Variants in TACC2 observed in about 807,000 individuals in gnomAD.
The protein encoded by TACC2 is transforming acidic coiled-coil containing protein 2.
In TACC2, 137 loss-of-function variants were observed where a neutral mutation model predicts 227.3. That is an observed-to-expected ratio of 0.60 (90% CI 0.52 to 0.69). The LOEUF (loss-of-function observed/expected upper bound fraction) is 0.69, where lower values mean the gene tolerates loss of function less well. Ranked by LOEUF, TACC2 falls within the 30% of genes least tolerant of loss-of-function variation. The pLI is 0.00. For missense variants in TACC2, 3,470 were observed against 3,694.4 expected (o/e 0.94, Z 1.57); for synonymous variants, 1,523 against 1,487.5 (o/e 1.02, Z -0.55).
rs771550397 is a variant in TACC2 at position 122,086,324 on chromosome 10, C to A, written c.3824C>A (p.Pro1275Gln). ...GESPCPVGEP[P>Q]LALENAASLK... ...AGCCCCTGTCCTGTAGGGGAGCCCC[C>A]ACTTGCCTTGGAAAATGCTGCCTCC... Residue 1275 changes from proline (P) to glutamine (Q), a missense_variant, in exon 4 of 23, where the codon CCA becomes CAA. By Grantham distance (76) the Pro-to-Gln change is moderately conservative (BLOSUM62 -1). Coordinates refer to ENST00000369005, the MANE Select transcript of TACC2 (RefSeq NM_206862.4). 1 of 1,613,894 alleles carries A rather than the reference C, an allele frequency of 6.2e-7. No homozygotes were observed. The highest frequency in any genetic ancestry group is 8.5e-7 in the Non-Finnish European group (1 of 1,180,034).
At chr10:122,176,107 C>CTATATATA (rs1293775452) in intron 7 of TACC2, among the ~76,000 whole-genome samples, 1 of 70,524 alleles carries the variant, frequency 1.4e-5, no homozygotes, top group Non-Finnish European at 2.7e-5. Context: ...CTCTCTCTCT[C>CTATATATA]TCTCTCTCTC....
chr10:122,006,987 G>A (rs534109351), intron 1 of TACC2, among the ~76,000 whole-genome samples: 4 of 151,228 alleles, frequency 2.6e-5, no homozygotes, highest in Non-Finnish European at 5.9e-5. Flanking sequence ...TCAGCCTTCC[G>A]AGTAGCTGGG....
At chr10:122,244,895 T>G (rs1316500806) in intron 19 of TACC2, among the ~76,000 whole-genome samples, 1 of 152,256 alleles carries the variant, frequency 6.6e-6, no homozygotes. Flanking sequence ...ATATGTTTTG[T>G]TAAGCTCACA....
At chr10:122,023,117 C>T (rs963662778) in intron 2 of TACC2, 1 of 152,034 alleles carries the variant, frequency 6.6e-6, no homozygotes, top group African/African-American at 2.4e-5. Context: ...ATCTCCGTCT[C>T]CCCCCGGGTT....
intron 7 of TACC2, among the ~76,000 whole-genome samples, chr10:122,148,324 G>A (rs997683520): frequency 1.3e-5 from 2 of 152,044 alleles, no homozygotes; most frequent in Non-Finnish European, 2.9e-5. Flanking sequence ...GGCTGGTCTC[G>A]AACTCCTGAC....
At chr10:122,140,186 C>T (rs774198957) in intron 6 of TACC2, among the ~76,000 whole-genome samples, 2 of 152,172 alleles carry the variant, frequency 1.3e-5, no homozygotes, top group Non-Finnish European at 2.9e-5. Flanking sequence ...TCAGATCCAT[C>T]GTCTCTGATC....
chr10:122,064,701 T>C (rs1470039461), intron 3 of TACC2, among the ~76,000 whole-genome samples: 1 of 152,202 alleles, frequency 6.6e-6, no homozygotes, highest in Non-Finnish European at 1.5e-5. Context: ...ATTATGATAT[T>C]AGTTTCACTG....
In TACC2 at chr10:122,131,591, T is replaced by C. The variant is rs113184798; in HGVS notation, c.5574-1018T>C. Among the ~76,000 whole-genome samples the C allele has an allele frequency of 1.2e-4, 18 of 152,356 alleles. No homozygotes were observed. The South Asian group carries it at 1.9e-3, about 16-fold the overall frequency. On this transcript the variant is annotated intron_variant, in intron 5 of 22. Coordinates refer to ENST00000369005, the MANE Select transcript of TACC2 (RefSeq NM_206862.4). Reference sequence around the variant, plus strand: ...AGAAAAATGAAATAAAACTCAAGGCTGGGGTTTCTCAACCTTGGCACTATT... The same window carrying C: ...AGAAAAATGAAATAAAACTCAAGGCCGGGGTTTCTCAACCTTGGCACTATT...
In TACC2 at chr10:122,085,360, G is replaced by A. The variant is rs777520041; in HGVS notation, c.2860G>A (p.Gly954Ser). The A allele has an allele frequency of 1.1e-5, 17 of 1,613,900 alleles. No homozygotes were observed. The highest frequency in any genetic ancestry group is 5.3e-5 in the African/African-American group (4 of 74,904). ...LGEKRPEGAC[G>S]DGQSSRVSPP... is the part of the protein sequence containing the mutation. ...GGAGAAGCGGCCAGAGGGAGCATGC[G>A]GTGATGGTCAGTCCTCGAGGGTCTC... Residue 954 changes from glycine to serine, a missense_variant, in exon 4 of 23, where the codon GGT becomes AGT. Coordinates refer to ENST00000369005, the MANE Select transcript of TACC2 (RefSeq NM_206862.4).
chr10:122,251,711 CTAAAA>C (rs2096258595), intron 22 of TACC2, among the ~76,000 whole-genome samples: 1 of 152,122 alleles, frequency 6.6e-6, no homozygotes, highest in South Asian at 2.1e-4. Flanking sequence ...GACCCCGTCT[CTAAAA>C]TAAAGAAATA....
At chr10:122,077,048 G>A (rs1236632975) in intron 3 of TACC2, among the ~76,000 whole-genome samples, 2 of 150,662 alleles carry the variant, frequency 1.3e-5, no homozygotes, top group African/African-American at 4.9e-5. Flanking sequence ...CCAGGAGGCG[G>A]AGGTTGCAGT....
At chr10:122,136,545 G>GTATATATATATATATATATA (rs34534253) in intron 6 of TACC2, among the ~76,000 whole-genome samples, 2 of 54,958 alleles carry the variant, frequency 3.6e-5, no homozygotes, top group African/African-American at 9.7e-5. Flanking sequence ...GTGTGTGTGT[G>GTATATATATATATATATATA]TATATATATA....
At chr10:122,051,042 G>A in intron 3 of TACC2, 1 of 157,098 alleles carries the variant, frequency 6.4e-6, no homozygotes, top group East Asian at 1.9e-4. Context: ...GATGTGGCCA[G>A]TGCGGGGGTG....
intron 7 of TACC2, chr10:122,163,952 G>C (rs1467477398): frequency 6.3e-7 from 1 of 1,587,646 alleles, no homozygotes; most frequent in African/African-American, 1.3e-5. Flanking sequence ...CCTGCAGCCA[G>C]CCCCAGCCAG....
rs755658202 is a variant in TACC2, at chr10:122,229,464, C to T, written c.8015C>T (p.Pro2672Leu). 1.2e-6 allele frequency: 2 copies of T among 1,613,956 alleles called. No individual in the cohort carries two copies. Among genetic ancestry groups the T allele is most frequent in the African/African-American group, 1.3e-5 (1 of 74,884 alleles). The change falls in exon 15 of 23, where the codon CCA (proline) becomes CTA (leucine). Residue 2672 changes from proline (P) to leucine (L), a missense_variant. Pro to Leu is a moderately conservative substitution (Grantham distance 98). This residue lies in a region of TACC2 where 345 missense variants were observed against 354.4 expected (regional missense o/e 0.97). Transcript: ENST00000369005. ...CCCGACTTAGCAGAAAAGAACCCCC[C>T]ACTATTCGCTCAGAAACTCCAGGTT... ...LEPDLAEKNP[P>L]LFAQKLQEEL...
At chr10:122,226,145 G>C (rs1343343412) in intron 12 of TACC2, among the ~76,000 whole-genome samples, 1 of 152,148 alleles carries the variant, frequency 6.6e-6, no homozygotes, top group East Asian at 1.9e-4. Context: ...GTTCCTACTT[G>C]AACTCAGTTG....
intron 1 of TACC2, among the ~76,000 whole-genome samples, chr10:122,001,645 CAG>C (rs559109434): frequency 2.6e-4 from 39 of 152,290 alleles, no homozygotes; most frequent in African/African-American, 9.4e-4. Flanking sequence ...AAAATTGTGT[CAG>C]TGTTCAAATA....
chr10:122,053,444 C>T lies in TACC2; in HGVS notation c.146+2894C>T, dbSNP rs530478824. 6.6e-5 allele frequency among the ~76,000 whole-genome samples: 10 copies of T among 152,166 alleles called. No individual in the cohort carries two copies. In the South Asian group the frequency reaches 2.1e-3, roughly 32 times the overall value. On this transcript the variant is annotated intron_variant, in intron 3 of 22. Transcript: ENST00000369005. Reference sequence around the variant, plus strand: ...AGATTTGGGTGGGGACACAGCCAAACCATTATCACCCAGGGCAGCCATCCT... The same window carrying T: ...AGATTTGGGTGGGGACACAGCCAAATCATTATCACCCAGGGCAGCCATCCT...
At chr10:122,056,202 T>G (rs1026506658) in intron 3 of TACC2, among the ~76,000 whole-genome samples, 8 of 152,172 alleles carry the variant, frequency 5.3e-5, no homozygotes, top group African/African-American at 1.9e-4. Flanking sequence ...GAGACAGAGT[T>G]TTACTCTTGT....
Sources: allele counts gnomAD v4.1 joint callset (sites outside exome capture counted in the v4.1 genomes callset), GRCh38; gene constraint gnomAD v4.1.1; regional missense constraint gnomAD v4.1.1; transcripts MANE v1.5; gene names NCBI Gene and HGNC (gene_info 2026-07-23, HGNC 2026-07-21).